Variants in MAP6 observed in about 807,000 individuals in gnomAD.
MAP6 encodes the protein microtubule associated protein 6, also known as microtubule-associated protein 6.
MAP6 carries 26 observed loss-of-function variants against 42.4 expected under a neutral mutation model. That is an observed-to-expected ratio of 0.61 (90% CI 0.45 to 0.85). MAP6 has a LOEUF of 0.85. MAP6 is among the 40% of genes least tolerant of loss of function. MAP6 has a pLI of 0.00. For synonymous variants in MAP6, 418 were observed against 443.8 expected (o/e 0.94, Z 0.73); for missense variants, 966 against 1,099.0 (o/e 0.88, Z 1.71).
chr11:75,624,589 A>C (rs1366490972), intron 1 of MAP6, among the ~76,000 whole-genome samples: 3 of 152,176 alleles, frequency 2.0e-5, no homozygotes, highest in African/African-American at 7.2e-5. Context: ...AAGCATGTTC[A>C]TTAGCCTGTG....
intron 1 of MAP6, among the ~76,000 whole-genome samples, chr11:75,629,868 G>A (rs1364369474): frequency 6.6e-6 from 1 of 152,174 alleles, no homozygotes; most frequent in African/African-American, 2.4e-5. Context: ...AGAAGGCAGT[G>A]AGAGGAAGTC....
intron 2 of MAP6, chr11:75,607,389 T>C (rs1942799108): frequency 8.1e-6 from 8 of 985,464 alleles, no homozygotes; most frequent in Non-Finnish European, 9.6e-6. Context: ...CATCAGAAGA[T>C]GCTAGATTGC....
intron 1 of MAP6, among the ~76,000 whole-genome samples, chr11:75,613,034 C>T (rs1942929446): frequency 6.6e-6 from 1 of 152,274 alleles, no homozygotes; most frequent in African/African-American, 2.4e-5. Context: ...TGCAAAGGGG[C>T]ATCCTATGTC....
chr11:75,621,026 G>C (rs1943100835), intron 1 of MAP6, among the ~76,000 whole-genome samples: 1 of 152,076 alleles, frequency 6.6e-6, no homozygotes, highest in Non-Finnish European at 1.5e-5. Flanking sequence ...AGCTACTTGG[G>C]AGGCTGAGGC....
chr11:75,665,316 C>T lies in MAP6; in HGVS notation c.905+2149G>A, dbSNP rs550193768. Reference sequence around the variant, plus strand: ...AAGGTACAACCCCAAATCTGGAGTGCGTTATATTCAAAGGATGTGGTCATT... The same window carrying T: ...AAGGTACAACCCCAAATCTGGAGTGTGTTATATTCAAAGGATGTGGTCATT... On this transcript the variant is annotated intron_variant, in intron 1 of 3. Transcript: ENST00000304771. Among the ~76,000 whole-genome samples the T allele has an allele frequency of 5.5e-4, 83 of 152,238 alleles. 1 individual carries two copies. In the South Asian group the frequency reaches 0.013, roughly 23 times the overall value.
chr11:75,607,580 G>T (rs1397203051), intron 2 of MAP6: 27 of 985,340 alleles, frequency 2.7e-5, no homozygotes, highest in Non-Finnish European at 3.3e-5. Flanking sequence ...CAGGTGTGTT[G>T]TGACAGACCG....
At position 75,608,152 on chromosome 11, in the gene MAP6, C is replaced by T. The variant is rs1942815702; in HGVS notation, c.1076G>A (p.Arg359Lys). 6.2e-7 allele frequency: 1 copy of T among 1,614,170 alleles called. No individual in the cohort carries two copies. The change falls in exon 2 of 4, where the codon AGA (arginine) becomes AAA (lysine). Residue 359 changes from arginine (R) to lysine (K), a missense_variant. Physicochemically the swap from Arg to Lys is conservative, Grantham distance 26 (BLOSUM62 2). Around this residue, in one of 2 missense-constraint regions of MAP6, gnomAD observed 943 missense variants for 1,049.9 expected, o/e 0.90. Transcript: ENST00000304771. ...GGGTTCGCTGTAGAGGCTGCGTATTCTTCTGCGATCAATGACCTTATTGTC... is the reference window on the plus strand; with the variant it reads ...GGGTTCGCTGTAGAGGCTGCGTATTTTTCTGCGATCAATGACCTTATTGTC... ...TADNKVIDRR[R>K]IRSLYSEPFK...
intron 1 of MAP6, among the ~76,000 whole-genome samples, chr11:75,630,047 A>T (rs1943261602): frequency 6.6e-6 from 1 of 152,242 alleles, no homozygotes; most frequent in African/African-American, 2.4e-5. Flanking sequence ...ATCTGTGTTC[A>T]TATGAGTGAT....
At chr11:75,591,698 C>A (rs1942479779) in intron 3 of MAP6, among the ~76,000 whole-genome samples, 1 of 152,224 alleles carries the variant, frequency 6.6e-6, no homozygotes, top group African/African-American at 2.4e-5. Flanking sequence ...CTTCTCCCAG[C>A]CTGTGCACCC....
intron 1 of MAP6, among the ~76,000 whole-genome samples, chr11:75,624,058 G>C (rs1291190281): frequency 1.3e-5 from 2 of 152,172 alleles, no homozygotes; most frequent in Non-Finnish European, 2.9e-5. Flanking sequence ...CATTTACCCA[G>C]GCCCAACTAA....
intron 3 of MAP6, among the ~76,000 whole-genome samples, chr11:75,598,671 C>T (rs531635788): frequency 4.7e-4 from 72 of 152,346 alleles, no homozygotes; most frequent in African/African-American, 1.7e-3. Context: ...CAGTGAATCT[C>T]ATCATTCATT....
chr11:75,596,942 C>T (rs146999903), intron 3 of MAP6, among the ~76,000 whole-genome samples: 1,588 of 152,346 alleles, frequency 0.01, 14 homozygotes, highest in Middle Eastern at 0.024. Context: ...CAACAGGAAT[C>T]CTACAGATAG....
At chr11:75,648,918 G>C (rs1044496705) in intron 1 of MAP6, among the ~76,000 whole-genome samples, 2 of 152,122 alleles carry the variant, frequency 1.3e-5, no homozygotes, top group African/African-American at 4.8e-5. Context: ...TTTTAAGTCT[G>C]ACATTATAAG....
At chr11:75,656,315 G>A (rs1421546999) in intron 1 of MAP6, among the ~76,000 whole-genome samples, 1 of 152,178 alleles carries the variant, frequency 6.6e-6, no homozygotes, top group African/African-American at 2.4e-5. Context: ...CCCACTAAAA[G>A]AGGTTACACC....
intron 3 of MAP6, among the ~76,000 whole-genome samples, chr11:75,600,651 C>T (rs1221819177): frequency 6.6e-6 from 1 of 152,148 alleles, no homozygotes; most frequent in Non-Finnish European, 1.5e-5. Context: ...TGCTTTAACG[C>T]AGATGGTTCA....
chr11:75,607,821 C>A, intron 2 of MAP6: 1 of 274,816 alleles, frequency 3.6e-6, no homozygotes, highest in South Asian at 1.4e-4. Flanking sequence ...AGGTTTTCTG[C>A]CATTGTTTAT....
At chr11:75,654,585 T>TC (rs1191825062) in intron 1 of MAP6, among the ~76,000 whole-genome samples, 1 of 152,192 alleles carries the variant, frequency 6.6e-6, no homozygotes, top group Non-Finnish European at 1.5e-5. Flanking sequence ...GTAATTTATC[T>TC]CTCTACCCTA....
rs1276036567 is a variant in MAP6, at chr11:75,587,022, C to T, written c.*37G>A. 17 of 1,525,666 alleles carry T rather than the reference C, an allele frequency of 1.1e-5. No homozygotes were observed. The highest frequency in any genetic ancestry group is 1.5e-5 in the Non-Finnish European group (17 of 1,136,790). The allele number at this position is 1,525,666 out of a possible 1,614,324, so 94.5% of individuals were successfully genotyped here. A position where few individuals can be genotyped will look rare whatever the true frequency, so the allele number is the denominator to read the frequency against. On this transcript the variant is annotated 3_prime_UTR_variant, in exon 4 of 4. Coordinates refer to ENST00000304771, the MANE Select transcript of MAP6 (RefSeq NM_033063.2). ...TGCCCCTGGGAGGGGAGCACTCTCA[C>T]TGTCAGCTCCTTCATTGGTGTGTCA...
intron 1 of MAP6, among the ~76,000 whole-genome samples, chr11:75,626,772 T>G (rs1379730201): frequency 1.3e-5 from 2 of 152,092 alleles, no homozygotes; most frequent in Non-Finnish European, 2.9e-5. Context: ...CTCAGAGAGG[T>G]GAGGTTACTC....
Sources: allele counts gnomAD v4.1 joint callset (sites outside exome capture counted in the v4.1 genomes callset), GRCh38; gene constraint gnomAD v4.1.1; regional missense constraint gnomAD v4.1.1; transcripts MANE v1.5; gene names NCBI Gene and HGNC (gene_info 2026-07-23, HGNC 2026-07-21).